The following DNAH9 variants were observed in gnomAD, a reference collection of about 807,000 sequenced individuals.
DNAH9 encodes the protein DNAH9 variant protein.
Under a neutral mutation model 471.6 loss-of-function variants are expected in DNAH9, and 345 were observed. That is an observed-to-expected ratio of 0.73 (90% CI 0.67 to 0.80). The LOEUF is 0.80. DNAH9 is among the 30% of genes least tolerant of loss of function. The probability of loss-of-function intolerance (pLI) is 0.00; values close to 1 mark genes in which losing one functional copy is unlikely to be tolerated. For synonymous variants in DNAH9, 2,093 were observed against 2,123.6 expected, an observed-to-expected ratio of 0.99 and a Z score of 0.40; for missense variants, 5,407 against 5,609.2, an observed-to-expected ratio of 0.96 and a Z score of 1.15.
intron 27 of DNAH9, among the ~76,000 whole-genome samples, chr17:11,721,030 G>GTAA (rs561477309): frequency 2.8e-4 from 25 of 90,208 alleles, no homozygotes; most frequent in African/African-American, 6.9e-4. Context: ...TCTCCCAAAG[G>GTAA]GAACATTGTG....
At chr17:11,926,933 T>G (rs1223771547) in intron 62 of DNAH9, among the ~76,000 whole-genome samples, 2 of 152,240 alleles carry the variant, frequency 1.3e-5, no homozygotes, top group Non-Finnish European at 2.9e-5. Flanking sequence ...TTTCTTGACT[T>G]TTTAATAATC....
At chr17:11,921,695 T>C (rs987754505) in intron 61 of DNAH9, among the ~76,000 whole-genome samples, 2 of 152,296 alleles carry the variant, frequency 1.3e-5, no homozygotes, top group Admixed American at 6.5e-5. Context: ...CGGCCACCTT[T>C]GGCTGAGTGT....
chr17:11,666,700 T>A (rs957710127), intron 15 of DNAH9, among the ~76,000 whole-genome samples: 1 of 152,216 alleles, frequency 6.6e-6, no homozygotes, highest in Non-Finnish European at 1.5e-5. Flanking sequence ...GGCTTTGTCA[T>A]CCTAGGTCCA....
At chr17:11,694,640 T>TGCTTTCTC (rs1285813338) in intron 22 of DNAH9, among the ~76,000 whole-genome samples, 193 bp downstream of exon 22, 367 of 2,680 alleles carry the variant, frequency 0.14, 75 homozygotes, top group African/African-American at 0.19. Context: ...CTTGCTTTCT[T>TGCTTTCTC]GCTTTCTCGC....
chr17:11,744,054 T>C (rs1344539356), intron 30 of DNAH9, among the ~76,000 whole-genome samples: 2 of 152,126 alleles, frequency 1.3e-5, no homozygotes, highest in East Asian at 3.9e-4. Context: ...GGTCTCGAAC[T>C]CCTGACCTTG....
At chr17:11,693,060 C>T (rs1290744348) in intron 20 of DNAH9, among the ~76,000 whole-genome samples, 1 of 126,418 alleles carries the variant, frequency 7.9e-6, no homozygotes, top group African/African-American at 3.0e-5. Flanking sequence ...CACACACCAC[C>T]ATGACCGGCT....
At chr17:11,882,765 A>G (rs1026524938) in intron 55 of DNAH9, 2 of 211,328 alleles carry the variant, frequency 9.5e-6, no homozygotes, top group African/African-American at 4.7e-5. Flanking sequence ...GCAAATTTAA[A>G]CAGTGGTGGT....
rs542022129 is a variant in DNAH9 at position 11,870,643 on chromosome 17, G to A, written c.10054-955G>A. Among the ~76,000 whole-genome samples the A allele has an allele frequency of 5.9e-5, 9 of 152,326 alleles. No homozygotes were observed. The South Asian group carries it at 1.9e-3, about 32-fold the overall frequency. ...TTTAGAGATAGCAACTCTTGCCAAT[G>A]TGCAAGAAGTCCTCCAGATCTCCTA... On this transcript the variant is annotated intron_variant, in intron 51 of 68. Transcript: ENST00000262442.
At chr17:11,727,046 TCAAAAAA>T (rs2075165058) in intron 27 of DNAH9, among the ~76,000 whole-genome samples, 1 of 20,436 alleles carries the variant, frequency 4.9e-5, no homozygotes, top group Non-Finnish European at 8.0e-5. Context: ...AGACTCCGTC[TCAAAAAA>T]AAAAAAAAAA....
chr17:11,747,069 A>G (rs1355365890), intron 31 of DNAH9, among the ~76,000 whole-genome samples: 1 of 152,230 alleles, frequency 6.6e-6, no homozygotes, highest in Non-Finnish European at 1.5e-5. Flanking sequence ...AAGTGAATTT[A>G]TTCAAAGCAA....
intron 51 of DNAH9, among the ~76,000 whole-genome samples, chr17:11,869,970 C>T (rs1464674804): frequency 3.9e-5 from 6 of 152,184 alleles, no homozygotes; most frequent in Non-Finnish European, 8.8e-5. Flanking sequence ...ACTTCCTTCA[C>T]ATGCTGGGCA....
At chr17:11,957,117 A>G (rs1441698019) in intron 67 of DNAH9, among the ~76,000 whole-genome samples, 2 of 152,184 alleles carry the variant, frequency 1.3e-5, no homozygotes, top group Non-Finnish European at 2.9e-5. Context: ...TAAAAGGATT[A>G]TAAGAATATG....
At chr17:11,770,444 T>TGG (rs111794736) in intron 38 of DNAH9, among the ~76,000 whole-genome samples, 1 of 145,706 alleles carries the variant, frequency 6.9e-6, no homozygotes, top group African/African-American at 2.7e-5. Context: ...AAAATGCTGA[T>TGG]GGGGGGGAGC....
chr17:11,869,327 A>G, intron 51 of DNAH9, 74 bp downstream of exon 51: 1 of 1,577,224 alleles, frequency 6.3e-7, no homozygotes, highest in Non-Finnish European at 8.6e-7. Flanking sequence ...GGTGCAAGAT[A>G]GATGAGCACA....
intron 56 of DNAH9, 27 bp downstream of exon 56, chr17:11,883,777 A>G: frequency 6.2e-7 from 1 of 1,605,370 alleles, no homozygotes; most frequent in South Asian, 1.1e-5. Context: ...TAGTCTGGGA[A>G]GGCAGCCTAG....
intron 38 of DNAH9, among the ~76,000 whole-genome samples, chr17:11,774,418 G>A: frequency 6.6e-6 from 1 of 152,180 alleles, no homozygotes; most frequent in East Asian, 1.9e-4. Flanking sequence ...AAGGACAGAG[G>A]TTTAATGGAC....
Position 11,944,975 on chromosome 17 carries a change from A to C in DNAH9, c.12843+2490A>C, listed in dbSNP as rs757145231. Among the ~76,000 whole-genome samples the C allele has an allele frequency of 2.6e-5, 4 of 152,342 alleles. No homozygotes were observed. In the East Asian group the frequency reaches 7.7e-4, roughly 29 times the overall value. On this transcript the variant is annotated intron_variant, in intron 67 of 68. Coordinates refer to ENST00000262442, the MANE Select transcript of DNAH9 (RefSeq NM_001372.4). ...TAAGTCTAGGGAATGGATAAAGCTG[A>C]GCTGGCCAGAAATGAGAACAGCAGG... is the stretch of plus-strand genomic sequence containing the variant.
At chr17:11,727,986 C>T in intron 28 of DNAH9, 64 bp downstream of exon 28, 1 of 1,062,846 alleles carries the variant, frequency 9.4e-7, no homozygotes. Flanking sequence ...AAGTCTATGT[C>T]CTCTTGTTTT....
In DNAH9 at chr17:11,669,268, A is replaced by G; in HGVS notation, c.2928+8A>G. The G allele has an allele frequency of 6.2e-7, 1 of 1,610,042 alleles. No individual in the cohort carries two copies. The highest frequency in any genetic ancestry group is 1.3e-5 in the African/African-American group (1 of 74,966). ...GGCTCTCCTCACTATCAGGTACTGG[A>G]GCTGCAGCCATCCTGCCCTCCAACT... On this transcript the variant is annotated splice_region_variant and intron_variant, in intron 16 of 68. Transcript: ENST00000262442.
Sources: gnomAD v4.1 joint callset for allele counts (sites outside exome capture counted in the v4.1 genomes callset) on GRCh38, gnomAD v4.1.1 for gene constraint, MANE v1.5 for transcripts, NCBI Gene and HGNC (gene_info 2026-07-23, HGNC 2026-07-21) for gene names.